Variants in KDM4C observed in about 807,000 individuals in gnomAD.
KDM4C encodes the protein lysine demethylase 4C.
In KDM4C, 81 loss-of-function variants were observed where a neutral mutation model predicts 129.3. That is an observed-to-expected ratio of 0.63 (90% CI 0.52 to 0.75). KDM4C has a LOEUF of 0.75. Among genes scored for constraint, KDM4C ranks in the 30% least tolerant of loss-of-function variants. The pLI is 0.00. For missense variants in KDM4C, 1,457 were observed against 1,304.0 expected, an observed-to-expected ratio of 1.12 and a Z score of -1.81; for synonymous variants, 573 against 456.1, an observed-to-expected ratio of 1.26 and a Z score of -3.26.
At chr9:7,071,398 A>T (rs923617062) in intron 17 of KDM4C, among the ~76,000 whole-genome samples, 1 of 152,200 alleles carries the variant, frequency 6.6e-6, no homozygotes, top group East Asian at 1.9e-4. Flanking sequence ...AATGCTTATT[A>T]TAAAGCTACA....
At chr9:6,781,933 T>C (rs1470798730) in intron 1 of KDM4C, among the ~76,000 whole-genome samples, 1 of 151,928 alleles carries the variant, frequency 6.6e-6, no homozygotes, top group Non-Finnish European at 1.5e-5. Flanking sequence ...CAGGCTATTC[T>C]CCTGCCTCAG....
intron 8 of KDM4C, among the ~76,000 whole-genome samples, chr9:6,917,476 C>T (rs1225592442): frequency 6.6e-6 from 1 of 152,190 alleles, no homozygotes; most frequent in African/African-American, 2.4e-5. Context: ...GCCTTTCTTT[C>T]ACTTTGTTAT....
At chr9:6,823,636 A>G (rs1176555278) in intron 4 of KDM4C, among the ~76,000 whole-genome samples, 1 of 152,180 alleles carries the variant, frequency 6.6e-6, no homozygotes, top group East Asian at 1.9e-4. Context: ...AGATCTCCAA[A>G]GGTGTCCCCT....
At chr9:7,119,845 T>A (rs1274923735) in intron 18 of KDM4C, among the ~76,000 whole-genome samples, 2 of 152,114 alleles carry the variant, frequency 1.3e-5, no homozygotes, top group African/African-American at 2.4e-5. Context: ...TTACCTGCAT[T>A]TTCTTTTCTG....
At chr9:6,736,940 A>G (rs1279910198) in intron 1 of KDM4C, among the ~76,000 whole-genome samples, 6 of 151,324 alleles carry the variant, frequency 4.0e-5, no homozygotes, top group Non-Finnish European at 7.4e-5. Flanking sequence ...AGTCCCAGAT[A>G]CTTGGGAGGC....
rs145474967 is a variant in KDM4C at position 6,984,949 on chromosome 9, C to T, written c.1354+545C>T. On this transcript the variant is annotated intron_variant, in intron 10 of 21. Coordinates refer to ENST00000381309, the MANE Select transcript of KDM4C (RefSeq NM_015061.6). Reference sequence around the variant, plus strand: ...CCTTTGGTAGCATATTTTTCTGAAACTGCTTTAGTGATTTGCCTCTTTCAT... The same window carrying T: ...CCTTTGGTAGCATATTTTTCTGAAATTGCTTTAGTGATTTGCCTCTTTCAT... 2.8e-5 allele frequency among the ~76,000 whole-genome samples: 4 copies of T among 141,504 alleles called. No individual in the cohort carries two copies. The East Asian group carries it at 7.7e-4, about 27-fold the overall frequency. The allele number at this position is 141,504 out of a possible 152,430, so 92.8% of individuals were successfully genotyped here.
chr9:6,849,781 T>C lies in KDM4C; in HGVS notation c.629+81T>C, dbSNP rs561097183. On this transcript the variant is annotated intron_variant, in intron 5 of 21. Coordinates refer to ENST00000381309, the MANE Select transcript of KDM4C (RefSeq NM_015061.6). ...GCACATATTGAAGAGGATTTTGTTC[T>C]TTGATTTGGTGGATTCAGATTTATG... is the stretch of plus-strand genomic sequence containing the variant. 6.2e-4 allele frequency: 705 copies of C among 1,142,380 alleles called. 2 individuals carry two copies. In the Middle Eastern group the frequency reaches 7.9e-3, roughly 13 times the overall value. 70.8% of individuals were successfully genotyped at this position (1,142,380 alleles called of 1,614,324 possible).
intron 1 of KDM4C, among the ~76,000 whole-genome samples, chr9:6,749,985 TCAAAAAAA>T (rs1563927170): frequency 3.3e-5 from 1 of 30,428 alleles, no homozygotes. Context: ...AAACTCCTTC[TCAAAAAAA>T]AAAAAAAAAA....
chr9:7,017,769 A>C (rs1386711851), intron 15 of KDM4C, among the ~76,000 whole-genome samples: 1 of 152,186 alleles, frequency 6.6e-6, no homozygotes, highest in Non-Finnish European at 1.5e-5. Context: ...AGAGAATTAC[A>C]CTTCCTTGCA....
At chr9:6,816,572 T>C (rs1832133972) in intron 4 of KDM4C, among the ~76,000 whole-genome samples, 1 of 152,202 alleles carries the variant, frequency 6.6e-6, no homozygotes, top group Admixed American at 6.5e-5. Flanking sequence ...CCTTATACCT[T>C]CTTATATACC....
chr9:6,963,646 T>G (rs1830393640), intron 8 of KDM4C, among the ~76,000 whole-genome samples: 1 of 152,248 alleles, frequency 6.6e-6, no homozygotes, highest in African/African-American at 2.4e-5. Context: ...ACATCTGAGT[T>G]GATACTGATG....
intron 1 of KDM4C, among the ~76,000 whole-genome samples, chr9:6,744,395 TGC>T (rs1817809351): frequency 6.6e-6 from 1 of 151,914 alleles, no homozygotes; most frequent in Non-Finnish European, 1.5e-5. Context: ...CATGGTGGCG[TGC>T]GCCTGTAATC....
chr9:7,075,647 C>A (rs1213455164), intron 17 of KDM4C, among the ~76,000 whole-genome samples: 1 of 152,126 alleles, frequency 6.6e-6, no homozygotes, highest in Non-Finnish European at 1.5e-5. Context: ...CAATCTTGAA[C>A]CTTCCAGCCA....
intron 3 of KDM4C, among the ~76,000 whole-genome samples, chr9:6,811,305 C>T (rs1831104647): frequency 6.6e-6 from 1 of 152,136 alleles, no homozygotes. Context: ...AGGTGCGTGC[C>T]ACCATGCCTG....
Position 6,986,669 on chromosome 9 carries a change from A to G in KDM4C, c.1677+3A>G. On this transcript the variant is annotated splice_donor_region_variant and intron_variant, in intron 11 of 21. Transcript: ENST00000381309. ...GAAATAGCTTCAAAGTCCCCAGTGTATGTGGCAATATCCATTTTTTACCAT... is the reference window on the plus strand; with the variant it reads ...GAAATAGCTTCAAAGTCCCCAGTGTGTGTGGCAATATCCATTTTTTACCAT... The G allele has an allele frequency of 6.3e-7, 1 of 1,585,588 alleles. No individual in the cohort carries two copies. The highest frequency in any genetic ancestry group is 8.6e-7 in the Non-Finnish European group (1 of 1,162,312).
chr9:6,759,464 C>A (rs989928527), intron 1 of KDM4C, among the ~76,000 whole-genome samples: 2 of 152,164 alleles, frequency 1.3e-5, no homozygotes, highest in African/African-American at 4.8e-5. Flanking sequence ...GGCCTCCGCG[C>A]AACCCGCCCA....
intron 6 of KDM4C, among the ~76,000 whole-genome samples, chr9:6,881,138 G>C (rs909835998): frequency 6.6e-6 from 1 of 152,164 alleles, no homozygotes. Flanking sequence ...ATGAAATGGG[G>C]ACACTGAGAA....
intron 8 of KDM4C, among the ~76,000 whole-genome samples, chr9:6,950,811 A>T (rs1354787427): frequency 2.6e-5 from 4 of 152,206 alleles, no homozygotes; most frequent in Admixed American, 2.0e-4. Flanking sequence ...TTCATGGTTC[A>T]TCCGGTTCAG....
intron 15 of KDM4C, 115 bp downstream of exon 15, chr9:7,016,044 A>AC: frequency 1.7e-6 from 1 of 605,744 alleles, no homozygotes; most frequent in Admixed American, 2.7e-5. Flanking sequence ...GCAGTTCTGC[A>AC]CTTCCTTGTG....
Sources: allele counts gnomAD v4.1 joint callset (sites outside exome capture counted in the v4.1 genomes callset), GRCh38; gene constraint gnomAD v4.1.1; transcripts MANE v1.5; gene names NCBI Gene and HGNC (gene_info 2026-07-23, HGNC 2026-07-21).